IQCH: variants seen among roughly 807,000 people sequenced by gnomAD.
The protein encoded by IQCH is IQ motif containing H.
A neutral mutation model predicts 117.0 loss-of-function variants in IQCH; 98 were observed. The ratio of observed to expected loss-of-function variants is 0.84; its 90% CI spans 0.71 to 0.99. IQCH has a LOEUF of 0.99. Ranked by LOEUF, IQCH falls within the 50% of genes least tolerant of loss-of-function variation. IQCH has a pLI of 0.00. For synonymous variants in IQCH, 412 were observed against 448.2 expected, an observed-to-expected ratio of 0.92 and a Z score of 1.02; for missense variants, 1,102 against 1,243.8, an observed-to-expected ratio of 0.89 and a Z score of 1.72.
chr15:67,439,479 A>G (rs993329289), intron 16 of IQCH, among the ~76,000 whole-genome samples: 1 of 152,198 alleles, frequency 6.6e-6, no homozygotes, highest in African/African-American at 2.4e-5. Flanking sequence ...CTGACATTCT[A>G]AGGTCACACC....
At chr15:67,420,775 T>G (rs555302881) in intron 15 of IQCH, among the ~76,000 whole-genome samples, 5 of 152,376 alleles carry the variant, frequency 3.3e-5, no homozygotes, top group Admixed American at 3.3e-4. Context: ...TAAAAATGTT[T>G]TATAACTGGC....
At position 67,369,626 on chromosome 15, in the gene IQCH, C is replaced by A. The variant is rs1025499028; in HGVS notation, c.754-2485C>A. ...GGAAAGAAAGAAGAAAGAAAGCCAA[C>A]AAATAATAGTAGATAAGTTCACAGA... On this transcript the variant is annotated intron_variant, in intron 8 of 20. Coordinates refer to ENST00000335894, the MANE Select transcript of IQCH (RefSeq NM_001031715.3). This position sits in a 1 kb window ranked among gnomAD's most constrained non-coding sequence, Gnocchi z 5.2. 2.6e-5 allele frequency among the ~76,000 whole-genome samples: 4 copies of A among 152,024 alleles called. No individual in the cohort carries two copies. Among genetic ancestry groups the A allele is most frequent in the Admixed American group, 2.6e-4 (4 of 15,258 alleles).
chr15:67,322,909 A>G (rs1486490449), intron 4 of IQCH, among the ~76,000 whole-genome samples: 1 of 152,200 alleles, frequency 6.6e-6, no homozygotes, highest in Admixed American at 6.5e-5. Context: ...AAGAGGTTAA[A>G]GGGAAAACAC....
intron 19 of IQCH, among the ~76,000 whole-genome samples, chr15:67,492,712 A>C (rs1430379923): frequency 6.6e-6 from 1 of 152,152 alleles, no homozygotes; most frequent in East Asian, 1.9e-4. Flanking sequence ...CCTGGAATTG[A>C]TGGGATGAGA....
chr15:67,354,361 C>T (rs1346627345), intron 6 of IQCH, among the ~76,000 whole-genome samples: 1 of 150,794 alleles, frequency 6.6e-6, no homozygotes, highest in South Asian at 2.1e-4. Context: ...CAATATATAC[C>T]AAAAGAAAAA....
At chr15:67,444,874 T>C (rs1410478147) in intron 16 of IQCH, among the ~76,000 whole-genome samples, 6 of 152,216 alleles carry the variant, frequency 3.9e-5, no homozygotes, top group Admixed American at 6.5e-5. Context: ...ATTAAATATA[T>C]AGGCAATTAC....
chr15:67,409,369 G>A (rs1403027611), intron 14 of IQCH, among the ~76,000 whole-genome samples: 1 of 152,170 alleles, frequency 6.6e-6, no homozygotes, highest in Non-Finnish European at 1.5e-5. Flanking sequence ...CCTGTGGTGA[G>A]AGGAAAAAAG....
chr15:67,452,371 C>A (rs2082550033), intron 16 of IQCH, among the ~76,000 whole-genome samples: 1 of 152,074 alleles, frequency 6.6e-6, no homozygotes, highest in Non-Finnish European at 1.5e-5. Context: ...ACTGGTTGTT[C>A]CTTTCCATGT....
At chr15:67,394,317 C>G (rs1971386513) in intron 12 of IQCH, among the ~76,000 whole-genome samples, 1 of 152,172 alleles carries the variant, frequency 6.6e-6, no homozygotes. Context: ...CATACATTAT[C>G]TCATTTAATC....
intron 3 of IQCH, among the ~76,000 whole-genome samples, chr15:67,268,291 A>G (rs541645599): frequency 1.3e-5 from 2 of 152,366 alleles, no homozygotes; most frequent in Admixed American, 6.5e-5. Flanking sequence ...CAGTAATCTT[A>G]AAACAACGAT....
chr15:67,360,295 C>G (rs2140748143), intron 8 of IQCH, among the ~76,000 whole-genome samples: 1 of 152,288 alleles, frequency 6.6e-6, no homozygotes, highest in East Asian at 1.9e-4. Context: ...AGGATGCACA[C>G]ACACATGCAA....
At position 67,378,285 on chromosome 15, in the gene IQCH, A is replaced by AC. The variant is rs1452574711; in HGVS notation, c.1372+4855dup. On this transcript the variant is annotated intron_variant, in intron 10 of 20. Transcript: ENST00000335894. Reference sequence around the variant, plus strand: ...CTACTATGAGCTGGAGTCACCTGATACCCAGTTCAATGCTGCTTTTTACTT... The same window carrying AC: ...CTACTATGAGCTGGAGTCACCTGATACCCCAGTTCAATGCTGCTTTTTACTT... Among the ~76,000 whole-genome samples the AC allele has an allele frequency of 2.0e-5, 3 of 151,928 alleles. No individual in the cohort carries two copies. In the East Asian group the frequency reaches 5.8e-4, roughly 29 times the overall value.
chr15:67,300,263 C>A (rs1966958235), intron 4 of IQCH, among the ~76,000 whole-genome samples: 1 of 152,052 alleles, frequency 6.6e-6, no homozygotes, highest in Non-Finnish European at 1.5e-5. Flanking sequence ...CCACAGTAAT[C>A]ATTATTTTGG....
chr15:67,291,318 G>T (rs899643722), intron 4 of IQCH, among the ~76,000 whole-genome samples: 2 of 152,098 alleles, frequency 1.3e-5, no homozygotes, highest in African/African-American at 4.8e-5. Flanking sequence ...CTGGCACATG[G>T]TAAAGTGCTC....
At chr15:67,460,888 G>C (rs1443605516) in intron 16 of IQCH, among the ~76,000 whole-genome samples, 2 of 152,106 alleles carry the variant, frequency 1.3e-5, no homozygotes, top group African/African-American at 4.8e-5. Flanking sequence ...CAATTAACCT[G>C]TCAAGCCAGT....
intron 4 of IQCH, among the ~76,000 whole-genome samples, chr15:67,327,751 T>C (rs1350226043): frequency 1.3e-5 from 2 of 152,208 alleles, no homozygotes; most frequent in African/African-American, 4.8e-5. Context: ...TAAAAATCTT[T>C]AACAGTTCCA....
In IQCH at chr15:67,499,133, C is replaced by T. The variant is rs141905051; in HGVS notation, c.2971-1500C>T. Among the ~76,000 whole-genome samples, 22 of 151,728 alleles carry T rather than the reference C, an allele frequency of 1.4e-4. No homozygotes were observed. In the East Asian group the frequency reaches 2.9e-3, roughly 20 times the overall value. On this transcript the variant is annotated intron_variant, in intron 20 of 20. Coordinates refer to ENST00000335894, the MANE Select transcript of IQCH (RefSeq NM_001031715.3). Reference sequence around the variant, plus strand: ...GAAACAGAGTGAGACCTCATCTCCACGAAAACTTATTTTTAGCTAGCCAGG... The same window carrying T: ...GAAACAGAGTGAGACCTCATCTCCATGAAAACTTATTTTTAGCTAGCCAGG...
intron 8 of IQCH, among the ~76,000 whole-genome samples, chr15:67,367,569 A>T (rs1204410006): frequency 6.6e-6 from 1 of 152,072 alleles, no homozygotes; most frequent in Non-Finnish European, 1.5e-5. Flanking sequence ...CAGTTTTTTT[A>T]AAAGAAAAAG....
intron 16 of IQCH, among the ~76,000 whole-genome samples, chr15:67,448,272 A>T (rs1286796246): frequency 6.6e-6 from 1 of 151,896 alleles, no homozygotes; most frequent in Non-Finnish European, 1.5e-5. Flanking sequence ...TGTGCACAAC[A>T]TGCAGGTTTG....
Sources: allele counts gnomAD v4.1 joint callset (sites outside exome capture counted in the v4.1 genomes callset), GRCh38; gene constraint gnomAD v4.1.1; non-coding constraint Gnocchi (gnomAD v3.1); transcripts MANE v1.5; gene names NCBI Gene and HGNC (gene_info 2026-07-23, HGNC 2026-07-21).